Variants in TSPAN4 observed in about 807,000 individuals in gnomAD.
TSPAN4 encodes tetraspanin 4, also known as tetraspanin-4.
Under a neutral mutation model 31.5 loss-of-function variants are expected in TSPAN4, and 38 were observed. That is an observed-to-expected ratio of 1.21 (90% CI 0.93 to 1.58). The LOEUF is 1.58. TSPAN4 is among the 40% of genes most tolerant of loss of function. The pLI is 0.00. For synonymous variants in TSPAN4, 186 were observed against 144.6 expected (o/e 1.29, Z -2.06); for missense variants, 330 against 317.3 (o/e 1.04, Z -0.30).
chr11:862,517 C>A, intron 3 of TSPAN4, 33 bp from the exon 4 acceptor site: 1 of 1,567,802 alleles, frequency 6.4e-7, no homozygotes. Context: ...GGGGCCTCAC[C>A]CTGTCTGTGT....
At chr11:856,413 A>C (rs773887669) in intron 3 of TSPAN4, among the ~76,000 whole-genome samples, 1 of 151,860 alleles carries the variant, frequency 6.6e-6, no homozygotes, top group African/African-American at 2.4e-5. Flanking sequence ...GACAGGCCCC[A>C]GGCACCGCTG....
Position 862,266 on chromosome 11 carries a change from G to A in TSPAN4, c.64-284G>A, listed in dbSNP as rs570414622. ...TTTGGCTCCAGGCCAGGGGTTGGGC[G>A]GATCCCTCCTAGAGGGAGTGGTTCA... On this transcript the variant is annotated intron_variant, in intron 3 of 8. Coordinates refer to ENST00000397397, the MANE Select transcript of TSPAN4 (RefSeq NM_003271.5). The A allele has an allele frequency of 3.5e-4, 153 of 433,880 alleles. 1 individual carries two copies. The Middle Eastern group carries it at 8.1e-3, about 23-fold the overall frequency. 26.9% of individuals were successfully genotyped at this position (433,880 alleles called of 1,614,324 possible). A position where few individuals can be genotyped will look rare whatever the true frequency, so the allele number is the denominator to read the frequency against.
intron 3 of TSPAN4, chr11:859,942 C>G (rs1009276452): frequency 6.6e-6 from 1 of 152,310 alleles, no homozygotes; most frequent in African/African-American, 2.4e-5. Context: ...GGGCCCAGAG[C>G]ACAGGGGTGA....
intron 3 of TSPAN4, chr11:858,299 C>G (rs1025242370): frequency 6.5e-6 from 1 of 152,962 alleles, no homozygotes; most frequent in African/African-American, 2.4e-5. Context: ...CATCCCATAG[C>G]AGGGCCAGGT....
chr11:866,684 A>G lies in TSPAN4; in HGVS notation c.*54A>G. On this transcript the variant is annotated 3_prime_UTR_variant, in exon 9 of 9. Coordinates refer to ENST00000397397, the MANE Select transcript of TSPAN4 (RefSeq NM_003271.5). Reference sequence around the variant, plus strand: ...AGGACGCCCACGGGGAGATGGCCGCACCCACAGCTGCCTTTCCCACCACCA... The same window carrying G: ...AGGACGCCCACGGGGAGATGGCCGCGCCCACAGCTGCCTTTCCCACCACCA... The G allele has an allele frequency of 6.6e-7, 1 of 1,526,284 alleles. No homozygotes were observed. Among genetic ancestry groups the G allele is most frequent in the Non-Finnish European group, 8.9e-7 (1 of 1,121,146 alleles). 94.5% of individuals were successfully genotyped at this position (1,526,284 alleles called of 1,614,324 possible).
chr11:852,162 C>G (rs1204004722), intron 3 of TSPAN4, among the ~76,000 whole-genome samples: 1 of 152,188 alleles, frequency 6.6e-6, no homozygotes, highest in African/African-American at 2.4e-5. Context: ...GAGTCTTGCT[C>G]TGTCGCCTGG....
intron 4 of TSPAN4, chr11:863,474 C>G (rs1254184370): frequency 1.3e-5 from 2 of 152,330 alleles, no homozygotes; most frequent in Non-Finnish European, 2.9e-5. Flanking sequence ...CGTACCCCTT[C>G]CTGGGGGCAA....
In TSPAN4 at chr11:866,840, C is replaced by A; in HGVS notation, c.*210C>A. The A allele has an allele frequency of 1.8e-6, 1 of 542,152 alleles. No homozygotes were observed. Among genetic ancestry groups the A allele is most frequent in the Non-Finnish European group, 3.2e-6 (1 of 309,160 alleles). The allele number at this position is 542,152 out of a possible 1,614,324, so 33.6% of individuals were successfully genotyped here. A position where few individuals can be genotyped will look rare whatever the true frequency, so the allele number is the denominator to read the frequency against. On this transcript the variant is annotated 3_prime_UTR_variant, in exon 9 of 9. Coordinates refer to ENST00000397397, the MANE Select transcript of TSPAN4 (RefSeq NM_003271.5). ...TCCGGACCCCCCCTGGGAGGGGTGG[C>A]CACGTGCTGGCTGCGGAACCCAGGG... is the stretch of plus-strand genomic sequence containing the variant.
At chr11:845,400 C>T (rs935480703) in intron 1 of TSPAN4, among the ~76,000 whole-genome samples, 1 of 151,996 alleles carries the variant, frequency 6.6e-6, no homozygotes, top group Non-Finnish European at 1.5e-5. Flanking sequence ...GTCCTCTCTA[C>T]GGTCCTGGGA....
At position 848,019 on chromosome 11, in the gene TSPAN4, G is replaced by A. The variant is rs1847417265; in HGVS notation, c.-18+719G>A. The stretch of plus-strand genomic sequence containing the variant: ...CAGCCTGGGGTCCTCCCGGGTCCCC[G>A]TGGCACCTGCCCTTGCCTGGCCCAC... On this transcript the variant is annotated intron_variant, in intron 2 of 8. Transcript: ENST00000397397. This position sits in a 1 kb window ranked among gnomAD's most constrained non-coding sequence, Gnocchi z 5.7. Among the ~76,000 whole-genome samples the A allele has an allele frequency of 2.0e-5, 3 of 152,190 alleles. No homozygotes were observed. Among genetic ancestry groups the A allele is most frequent in the South Asian group, 2.1e-4 (1 of 4,834 alleles).
intron 2 of TSPAN4, among the ~76,000 whole-genome samples, chr11:849,599 C>A (rs1383918758): frequency 6.6e-6 from 1 of 151,982 alleles, no homozygotes; most frequent in East Asian, 1.9e-4. Flanking sequence ...CTCAGGCGCC[C>A]TTCGCGAGCA....
chr11:855,146 T>A (rs762539752), intron 3 of TSPAN4, among the ~76,000 whole-genome samples: 43 of 152,100 alleles, frequency 2.8e-4, no homozygotes, highest in Admixed American at 2.5e-3. Flanking sequence ...ACGGGGCCTC[T>A]GCAGGTTCCA....
At chr11:851,721 G>A (rs1457914289) in intron 3 of TSPAN4, among the ~76,000 whole-genome samples, 2 of 152,124 alleles carry the variant, frequency 1.3e-5, no homozygotes, top group South Asian at 2.1e-4. Flanking sequence ...GGAGCTGGTG[G>A]GTGTGGGGGG....
chr11:862,522 CTG>C (rs774269090), intron 3 of TSPAN4, 26 bp from the exon 4 acceptor site: 9 of 1,578,510 alleles, frequency 5.7e-6, no homozygotes, highest in Middle Eastern at 2.2e-4. Flanking sequence ...CTCACCCTGT[CTG>C]TGTCTCTCCT....
chr11:861,519 T>C (rs1848454950), intron 3 of TSPAN4, among the ~76,000 whole-genome samples: 1 of 152,142 alleles, frequency 6.6e-6, no homozygotes, highest in South Asian at 2.1e-4. Flanking sequence ...AAGACCATCC[T>C]GGCTAACACG....
chr11:846,856 G>A (rs1261342014), intron 1 of TSPAN4, among the ~76,000 whole-genome samples: 2 of 152,212 alleles, frequency 1.3e-5, no homozygotes, highest in Admixed American at 6.5e-5. Context: ...GTCTTGGCCT[G>A]TGTCTCTGCA....
intron 3 of TSPAN4, among the ~76,000 whole-genome samples, chr11:852,542 C>T (rs1390642501): frequency 6.6e-6 from 1 of 152,134 alleles, no homozygotes; most frequent in African/African-American, 2.4e-5. Flanking sequence ...GGGGGCGGGG[C>T]AGGGGAAATA....
At chr11:866,537 C>T (rs1216243355) in intron 8 of TSPAN4, 25 bp from the exon 9 acceptor site, 12 of 1,609,182 alleles carry the variant, frequency 7.5e-6, no homozygotes, top group Non-Finnish European at 8.5e-6. Flanking sequence ...AGCTGCCATG[C>T]CCAGTCCTCC....
rs557863200 is a variant in TSPAN4, at chr11:866,641, G to A, written c.*11G>A. On this transcript the variant is annotated 3_prime_UTR_variant, in exon 9 of 9. Coordinates refer to ENST00000397397, the MANE Select transcript of TSPAN4 (RefSeq NM_003271.5). ...ACCTACTGCGCGTAGGCCGCCCACC[G>A]CCCGCTTCTCTGCCAAAAGGACGCC... 21 of 1,608,714 alleles carry A rather than the reference G, an allele frequency of 1.3e-5. No individual in the cohort carries two copies. Among genetic ancestry groups the A allele is most frequent in the East Asian group, 2.2e-5 (1 of 44,658 alleles).
Sources: gnomAD v4.1 joint callset for allele counts (sites outside exome capture counted in the v4.1 genomes callset) on GRCh38, gnomAD v4.1.1 for gene constraint, Gnocchi (gnomAD v3.1) non-coding constraint, MANE v1.5 for transcripts, NCBI Gene and HGNC (gene_info 2026-07-23, HGNC 2026-07-21) for gene names.